Variants in CHRM3 observed in about 807,000 individuals in gnomAD.
CHRM3 encodes muscarinic acetylcholine receptor M3.
CHRM3 carries 11 observed loss-of-function variants against 41.8 expected under a neutral mutation model. The observed-to-expected ratio is 0.26, with a 90% CI of 0.17 to 0.44. The LOEUF (loss-of-function observed/expected upper bound fraction) is 0.44, where lower values mean the gene tolerates loss of function less well. Among genes scored for constraint, CHRM3 ranks in the 20% least tolerant of loss-of-function variants. The probability of loss-of-function intolerance (pLI) is 1.00; values close to 1 mark genes in which losing one functional copy is unlikely to be tolerated. For synonymous variants in CHRM3, 297 were observed against 301.4 expected, an observed-to-expected ratio of 0.99 and a Z score of 0.15; for missense variants, 571 against 745.4, an observed-to-expected ratio of 0.77 and a Z score of 2.72.
At chr1:239,480,558 T>G (rs1300782787) in intron 1 of CHRM3, among the ~76,000 whole-genome samples, 5 of 142,246 alleles carry the variant, frequency 3.5e-5, no homozygotes, top group Admixed American at 7.0e-5. Context: ...TTTTTTTTTT[T>G]TTTTTTTTTT....
intron 5 of CHRM3, among the ~76,000 whole-genome samples, chr1:239,762,494 A>C (rs577477717): frequency 1.3e-5 from 2 of 152,324 alleles, no homozygotes; most frequent in African/African-American, 2.4e-5. Flanking sequence ...TAAGTGCTCC[A>C]AGGGTATTTA....
At chr1:239,857,573 C>T (rs1248669233) in intron 6 of CHRM3, among the ~76,000 whole-genome samples, 4 of 152,018 alleles carry the variant, frequency 2.6e-5, no homozygotes, top group Non-Finnish European at 5.9e-5. Flanking sequence ...TAATTCCAAA[C>T]GAATCCCTGG....
chr1:239,521,127 G>A (rs1669612861), intron 2 of CHRM3, among the ~76,000 whole-genome samples: 1 of 152,150 alleles, frequency 6.6e-6, no homozygotes, highest in South Asian at 2.1e-4. Flanking sequence ...TTCTGTGGCA[G>A]CATCCAGAAT....
chr1:239,885,812 G>T (rs1222262171), intron 6 of CHRM3, among the ~76,000 whole-genome samples: 2 of 152,146 alleles, frequency 1.3e-5, no homozygotes, highest in Non-Finnish European at 1.5e-5. Context: ...TAAGCGGAAG[G>T]TGACACTAAA....
chr1:239,908,297 C>A lies in CHRM3; in HGVS notation c.846C>A (p.His282Gln). ...AGGCAGAGACAGAAAACTTTGTCCA[C>A]CCCACGGGCAGTTCTCGAAGCTGCA... Reference protein sequence around the residue: ...GTEAETENFVHPTGSSRSCSS... With the variant: ...GTEAETENFVQPTGSSRSCSS... The change falls in exon 7 of 7, where the codon CAC (histidine) becomes CAA (glutamine). Residue 282 changes from histidine (H) to glutamine (Q), a missense_variant. His to Gln is a conservative substitution (Grantham distance 24). Transcript: ENST00000676153. This position sits in a 1 kb window ranked among gnomAD's most constrained non-coding sequence, Gnocchi z 7.2. The A allele has an allele frequency of 6.2e-7, 1 of 1,614,126 alleles. No homozygotes were observed. The highest frequency in any genetic ancestry group is 8.5e-7 in the Non-Finnish European group (1 of 1,180,028).
At chr1:239,444,733 A>G (rs1190108801) in intron 1 of CHRM3, among the ~76,000 whole-genome samples, 2 of 152,188 alleles carry the variant, frequency 1.3e-5, no homozygotes, top group African/African-American at 4.8e-5. Context: ...TAACAAACAG[A>G]TACAAAATAT....
At chr1:239,476,506 C>A (rs1294929515) in intron 1 of CHRM3, among the ~76,000 whole-genome samples, 1 of 150,850 alleles carries the variant, frequency 6.6e-6, no homozygotes, top group Admixed American at 6.6e-5. Flanking sequence ...CACTGTAAAA[C>A]CTTCTTAGTA....
At chr1:239,660,154 T>C (rs918621474) in intron 4 of CHRM3, among the ~76,000 whole-genome samples, 8 of 152,072 alleles carry the variant, frequency 5.3e-5, no homozygotes, top group African/African-American at 1.7e-4. Context: ...TTGTTTTGTA[T>C]TGTTTTTTGT....
chr1:239,659,240 A>G (rs1436879082), intron 4 of CHRM3, among the ~76,000 whole-genome samples: 2 of 152,220 alleles, frequency 1.3e-5, no homozygotes, highest in South Asian at 2.1e-4. Flanking sequence ...TCTCTAAGTT[A>G]GCCACTTCTC....
At chr1:239,517,859 G>T (rs1173547038) in intron 2 of CHRM3, among the ~76,000 whole-genome samples, 2 of 152,140 alleles carry the variant, frequency 1.3e-5, no homozygotes, top group Non-Finnish European at 2.9e-5. Flanking sequence ...TTTCTTCCCA[G>T]CACTTTGAGA....
chr1:239,683,176 C>G (rs1055641316), intron 5 of CHRM3, among the ~76,000 whole-genome samples: 3 of 152,140 alleles, frequency 2.0e-5, no homozygotes, highest in African/African-American at 7.2e-5. Flanking sequence ...CTCCCAACAT[C>G]CTCAATGCTT....
chr1:239,780,622 C>T (rs544040723), intron 5 of CHRM3, among the ~76,000 whole-genome samples: 37 of 152,176 alleles, frequency 2.4e-4, no homozygotes, highest in African/African-American at 8.2e-4. Context: ...AATGAAGTCC[C>T]GCTTATCAAT....
chr1:239,886,245 T>C (rs1678057445), intron 6 of CHRM3: 2 of 152,132 alleles, frequency 1.3e-5, no homozygotes, highest in Non-Finnish European at 2.9e-5. Flanking sequence ...GCTGCAATTG[T>C]AGGCGCACAA....
chr1:239,646,827 A>G (rs1671780851), intron 4 of CHRM3, among the ~76,000 whole-genome samples: 1 of 152,198 alleles, frequency 6.6e-6, no homozygotes, highest in African/African-American at 2.4e-5. Flanking sequence ...AAGCTTGAGT[A>G]GAAGAATAAC....
chr1:239,502,191 T>C (rs1210801793), intron 2 of CHRM3, among the ~76,000 whole-genome samples: 1 of 152,126 alleles, frequency 6.6e-6, no homozygotes, highest in Non-Finnish European at 1.5e-5. Flanking sequence ...ATTATCAAGA[T>C]TAACCAAGAA....
In CHRM3 at chr1:239,908,533, C is replaced by A; in HGVS notation, c.1082C>A (p.Thr361Lys). Residue 361 changes from threonine to lysine, a missense_variant, in exon 7 of 7, where the codon ACG (threonine) becomes AAG (lysine). Physicochemically the swap from Thr to Lys is moderately conservative, Grantham distance 78. This residue lies in a region of CHRM3 where 239 missense variants were observed against 239.6 expected (regional missense o/e 1.00). Coordinates refer to ENST00000676153, the MANE Select transcript of CHRM3 (RefSeq NM_001375978.1). This position sits in a 1 kb window ranked among gnomAD's most constrained non-coding sequence, Gnocchi z 7.2. ...SSDEEDIGSE[T>K]RAIYSIVLKL... ...GACGAGGAGGACATTGGCTCCGAGA[C>A]GAGAGCCATCTACTCCATCGTGCTC... 1 of 1,588,134 alleles carries A rather than the reference C, an allele frequency of 6.3e-7. No individual in the cohort carries two copies.
At chr1:239,466,005 T>A (rs983359513) in intron 1 of CHRM3, among the ~76,000 whole-genome samples, 3 of 152,118 alleles carry the variant, frequency 2.0e-5, no homozygotes, top group Non-Finnish European at 4.4e-5. Context: ...TTATTTATTT[T>A]TTTCCTGAGA....
At chr1:239,639,440 T>G (rs1269324672) in intron 4 of CHRM3, among the ~76,000 whole-genome samples, 1 of 152,232 alleles carries the variant, frequency 6.6e-6, no homozygotes, top group African/African-American at 2.4e-5. Context: ...TTTATTTCAT[T>G]GAGCAGTGGT....
intron 2 of CHRM3, among the ~76,000 whole-genome samples, chr1:239,540,272 C>T (rs1658636690): frequency 6.6e-6 from 1 of 152,122 alleles, no homozygotes; most frequent in Non-Finnish European, 1.5e-5. Flanking sequence ...CTACAGAAGT[C>T]GGCATCATAA....
Sources: allele counts gnomAD v4.1 joint callset (sites outside exome capture counted in the v4.1 genomes callset), GRCh38; gene constraint gnomAD v4.1.1; regional missense constraint gnomAD v4.1.1; non-coding constraint Gnocchi (gnomAD v3.1); transcripts MANE v1.5; gene names NCBI Gene and HGNC (gene_info 2026-07-23, HGNC 2026-07-21).